Variants in SHOC2 observed in about 807,000 individuals in gnomAD.
SHOC2 encodes the protein leucine-rich repeat protein SHOC-2.
A neutral mutation model predicts 50.2 loss-of-function variants in SHOC2; 4 were observed. The ratio of observed to expected loss-of-function variants is 0.08; its 90% CI spans 0.04 to 0.18. SHOC2 has a LOEUF of 0.18. Ranked by LOEUF, SHOC2 falls within the 10% of genes least tolerant of loss-of-function variation. The pLI, the probability that SHOC2 is intolerant of heterozygous loss-of-function variation, is 1.00. For synonymous variants in SHOC2, 218 were observed against 244.5 expected, an observed-to-expected ratio of 0.89 and a Z score of 1.01; for missense variants, 388 against 669.6, an observed-to-expected ratio of 0.58 and a Z score of 4.64.
chr10:110,933,691 T>C (rs1846939735), intron 1 of SHOC2, among the ~76,000 whole-genome samples: 1 of 152,138 alleles, frequency 6.6e-6, no homozygotes, highest in South Asian at 2.1e-4. Flanking sequence ...CCCACTACTC[T>C]GGAGGCTGAG....
At chr10:110,938,461 A>G (rs568283915) in intron 1 of SHOC2, among the ~76,000 whole-genome samples, 1 of 152,122 alleles carries the variant, frequency 6.6e-6, no homozygotes, top group Non-Finnish European at 1.5e-5. Flanking sequence ...TTACATTTTT[A>G]ATAATTTATA....
Position 111,009,356 on chromosome 10 carries a change from A to C in SHOC2, c.1393A>C (p.Asn465His). 7 of 1,611,024 alleles carry C rather than the reference A, an allele frequency of 4.3e-6. No homozygotes were observed. The highest frequency in any genetic ancestry group is 5.9e-6 in the Non-Finnish European group (7 of 1,177,518). Residue 465 changes from asparagine to histidine, a missense_variant, in exon 7 of 9, where the codon AAT becomes CAT. Around this residue, in one of 5 missense-constraint regions of SHOC2, gnomAD observed 130 missense variants for 208.6 expected, o/e 0.62. Coordinates refer to ENST00000369452, the MANE Select transcript of SHOC2 (RefSeq NM_007373.4). ...LEENKLESLPNEIAYLKDLQK... is the reference protein window; with the variant it reads ...LEENKLESLPHEIAYLKDLQK... ...AGAGAACAAATTGGAATCCTTGCCA[A>C]ATGAAATTGCATATCTTAAGGATTT...
rs12571130 is a variant in SHOC2 at position 110,955,949 on chromosome 10, T to G, written c.-234-8176T>G. Among the ~76,000 whole-genome samples the G allele has an allele frequency of 2.0e-4, 31 of 152,320 alleles. No homozygotes were observed. The East Asian group carries it at 5.2e-3, about 26-fold the overall frequency. On this transcript the variant is annotated intron_variant, in intron 1 of 8. Transcript: ENST00000369452. ...TAATTTTAGATAATTTAAAGGTCAT[T>G]GTCATCAAAATTGGAAGATATGACA...
chr10:111,004,506 C>T (rs1848434129), intron 4 of SHOC2, 100 bp from the exon 5 acceptor site: 1 of 819,168 alleles, frequency 1.2e-6, no homozygotes, highest in Non-Finnish European at 2.1e-6. Context: ...ATTTGTCACC[C>T]CCCAAAGCCC....
At chr10:110,925,991 A>T (rs1846763411) in intron 1 of SHOC2, among the ~76,000 whole-genome samples, 1 of 152,184 alleles carries the variant, frequency 6.6e-6, no homozygotes, top group South Asian at 2.1e-4. Context: ...GAGATTACTT[A>T]TAGGAAACTA....
intron 1 of SHOC2, among the ~76,000 whole-genome samples, chr10:110,938,311 G>A (rs1225705200): frequency 6.6e-6 from 1 of 152,064 alleles, no homozygotes; most frequent in African/African-American, 2.4e-5. Context: ...GTGACTGACT[G>A]TATATTTCTT....
chr10:110,987,569 A>G (rs368154446), intron 3 of SHOC2, among the ~76,000 whole-genome samples: 1 of 152,356 alleles, frequency 6.6e-6, no homozygotes, highest in South Asian at 2.1e-4. Context: ...GAATTATTCT[A>G]TTAATATCCA....
At chr10:110,958,049 C>T (rs951638502) in intron 1 of SHOC2, among the ~76,000 whole-genome samples, 11 of 152,128 alleles carry the variant, frequency 7.2e-5, no homozygotes, top group Non-Finnish European at 1.3e-4. Flanking sequence ...GAAAAAAGAT[C>T]CGTCTTCTCT....
chr10:111,000,601 G>C (rs1848354056), intron 4 of SHOC2, 56 bp downstream of exon 4: 1 of 1,477,100 alleles, frequency 6.8e-7, no homozygotes, highest in African/African-American at 1.4e-5. Context: ...GATAATTCAA[G>C]GAAAGCTAGT....
intron 2 of SHOC2, 94 bp from the exon 3 acceptor site, chr10:110,985,534 T>A (rs1369497556): frequency 6.3e-6 from 6 of 959,716 alleles, no homozygotes; most frequent in Non-Finnish European, 9.7e-6. Flanking sequence ...GTTGTTTGTG[T>A]TCAGAAATTA....
chr10:110,924,054 C>T (rs1724612482), intron 1 of SHOC2, among the ~76,000 whole-genome samples: 1 of 151,974 alleles, frequency 6.6e-6, no homozygotes, highest in Admixed American at 6.6e-5. Flanking sequence ...TGTTGTATAA[C>T]ACTTCTTCCT....
chr10:111,011,204 G>A (rs1030147879), intron 8 of SHOC2, among the ~76,000 whole-genome samples: 58 of 152,284 alleles, frequency 3.8e-4, no homozygotes, highest in African/African-American at 1.3e-3. Context: ...CAACAGAAAA[G>A]TGGTTATAGA....
chr10:111,011,758 G>T lies in SHOC2; in HGVS notation c.1689G>T (p.Gly563=), dbSNP rs759803668. ...LSHLPPQIVA[G]GPSFIIQFLK... ...ACCTTCCACCTCAGATTGTTGCTGG[G>T]GGGCCTTCTTTCATCATTCAGTTCT... Residue 563 remains glycine, a synonymous_variant, in exon 9 of 9, where the codon GGG becomes GGT. Transcript: ENST00000369452. The T allele has an allele frequency of 1.2e-6, 2 of 1,613,956 alleles. No homozygotes were observed. Among genetic ancestry groups the T allele is most frequent in the Non-Finnish European group, 1.7e-6 (2 of 1,179,946 alleles).
chr10:110,924,359 C>T (rs910878851), intron 1 of SHOC2, among the ~76,000 whole-genome samples: 14 of 152,208 alleles, frequency 9.2e-5, no homozygotes, highest in African/African-American at 3.4e-4. Context: ...TCACACTGCA[C>T]GTATAACTGG....
chr10:110,926,829 A>G (rs910879135), intron 1 of SHOC2, among the ~76,000 whole-genome samples: 48 of 152,308 alleles, frequency 3.2e-4, no homozygotes, highest in South Asian at 2.1e-4. Context: ...AGGTTTGCTT[A>G]ATGAGGTAAA....
intron 4 of SHOC2, among the ~76,000 whole-genome samples, chr10:111,001,135 A>G (rs1848364931): frequency 7.0e-6 from 1 of 142,416 alleles, no homozygotes; most frequent in African/African-American, 2.6e-5. Context: ...TTGCTTAGGG[A>G]TTAATTGGGT....
intron 1 of SHOC2, among the ~76,000 whole-genome samples, chr10:110,957,661 TGTCTG>T (rs1308312729): frequency 6.6e-6 from 1 of 152,036 alleles, no homozygotes; most frequent in Non-Finnish European, 1.5e-5. Context: ...CAAACTGTAC[TGTCTG>T]GTCCCTTATT....
intron 3 of SHOC2, among the ~76,000 whole-genome samples, chr10:110,998,540 G>A (rs918016221): frequency 2.0e-5 from 3 of 152,130 alleles, no homozygotes; most frequent in South Asian, 2.1e-4. Context: ...TGTTGCTTTT[G>A]TACTCCACTT....
Position 110,964,766 on chromosome 10 carries a change from G to T in SHOC2, c.408G>T (p.Gln136His), listed in dbSNP as rs147251195. ...TTTATTTATACAGTAACAAATTGCA[G>T]TCCCTCCCAGCAGAGGTGGGATGTT... ...TELYLYSNKLQSLPAEVGCLV... is the reference protein window; with the variant it reads ...TELYLYSNKLHSLPAEVGCLV... The change falls in exon 2 of 9, where the codon CAG becomes CAT. Residue 136 changes from glutamine to histidine, a missense_variant. Physicochemically the swap from Gln to His is conservative, Grantham distance 24. Coordinates refer to ENST00000369452, the MANE Select transcript of SHOC2 (RefSeq NM_007373.4). This position sits in a 1 kb window ranked among gnomAD's most constrained non-coding sequence, Gnocchi z 4.9. 6.2e-7 allele frequency: 1 copy of T among 1,613,960 alleles called. No individual in the cohort carries two copies. Among genetic ancestry groups the T allele is most frequent in the Admixed American group, 1.7e-5 (1 of 59,990 alleles).
Sources: gnomAD v4.1 joint callset for allele counts (sites outside exome capture counted in the v4.1 genomes callset) on GRCh38, gnomAD v4.1.1 for gene constraint, gnomAD v4.1.1 regional missense constraint, Gnocchi (gnomAD v3.1) non-coding constraint, MANE v1.5 for transcripts, NCBI Gene and HGNC (gene_info 2026-07-23, HGNC 2026-07-21) for gene names.